Variants in RFX3 observed in about 807,000 individuals in gnomAD.
RFX3 encodes the protein regulatory factor X3, also known as transcription factor RFX3.
Under a neutral mutation model 98.6 loss-of-function variants are expected in RFX3, and 14 were observed. The ratio of observed to expected loss-of-function variants is 0.14; its 90% CI spans 0.09 to 0.22. The LOEUF is 0.22. Ranked by LOEUF, RFX3 falls within the 10% of genes least tolerant of loss-of-function variation. The pLI, the probability that RFX3 is intolerant of heterozygous loss-of-function variation, is 1.00. For missense variants in RFX3, 639 were observed against 926.9 expected, an observed-to-expected ratio of 0.69 and a Z score of 4.03; for synonymous variants, 383 against 328.4, an observed-to-expected ratio of 1.17 and a Z score of -1.80.
Position 3,301,555 on chromosome 9 carries a change from G to A in RFX3, c.540C>T (p.Leu180=). Residue 180 remains leucine, a synonymous_variant, in exon 5 of 17, where the codon CTC becomes CTT. Transcript: ENST00000617270. ...DGLSTHRSSL[L]NSHLQWLLDN... is the part of the protein sequence containing the mutation. ...AGAAGAGGCAACTTACATGGCTGTTGAGAAGAGAGCTTCTGTGAGTGGACA... is the reference window on the plus strand; with the variant it reads ...AGAAGAGGCAACTTACATGGCTGTTAAGAAGAGAGCTTCTGTGAGTGGACA... 6.3e-7 allele frequency: 1 copy of A among 1,599,006 alleles called. No individual in the cohort carries two copies. The highest frequency in any genetic ancestry group is 8.6e-7 in the Non-Finnish European group (1 of 1,169,220).
At chr9:3,253,630 A>T (rs1821723299) in intron 14 of RFX3, among the ~76,000 whole-genome samples, 1 of 152,190 alleles carries the variant, frequency 6.6e-6, no homozygotes. Flanking sequence ...CATTCAGAGC[A>T]GAACCTCTTT....
At chr9:3,505,210 ATG>A (rs1816827680) in intron 1 of RFX3, among the ~76,000 whole-genome samples, 1 of 81,682 alleles carries the variant, frequency 1.2e-5, no homozygotes, top group Non-Finnish European at 2.1e-5. Flanking sequence ...TTATATATAT[ATG>A]AATATATATT....
intron 15 of RFX3, among the ~76,000 whole-genome samples, chr9:3,230,556 T>C (rs1290581196): frequency 6.6e-6 from 1 of 152,174 alleles, no homozygotes; most frequent in Non-Finnish European, 1.5e-5. Flanking sequence ...GAATATAATC[T>C]AAACAACAAA....
intron 15 of RFX3, chr9:3,247,819 C>G: frequency 6.2e-7 from 1 of 1,606,316 alleles, no homozygotes; most frequent in Admixed American, 1.7e-5. Flanking sequence ...TGAACTTTCA[C>G]ATGATATAAT....
intron 1 of RFX3, among the ~76,000 whole-genome samples, chr9:3,432,990 A>C (rs984830255): frequency 6.6e-6 from 1 of 152,156 alleles, no homozygotes; most frequent in African/African-American, 2.4e-5. Context: ...TTAGCGTGTA[A>C]GTTTACCAAA....
intron 13 of RFX3, among the ~76,000 whole-genome samples, chr9:3,259,913 A>C (rs1822643141): frequency 6.6e-6 from 1 of 152,074 alleles, no homozygotes; most frequent in Admixed American, 6.6e-5. Context: ...TCCTTATTAC[A>C]AGAGCATCAT....
intron 1 of RFX3, among the ~76,000 whole-genome samples, chr9:3,497,059 G>A (rs1232476328): frequency 6.6e-6 from 1 of 151,950 alleles, no homozygotes; most frequent in East Asian, 1.9e-4. Flanking sequence ...CTGAACCTGT[G>A]TTTGTGTCTT....
intron 1 of RFX3, among the ~76,000 whole-genome samples, chr9:3,463,451 ATCT>A (rs1214828831): frequency 6.6e-6 from 1 of 152,132 alleles, no homozygotes; most frequent in African/African-American, 2.4e-5. Context: ...TTAGATAAAA[ATCT>A]TTAGCACTCC....
chr9:3,415,068 AAG>A (rs1263240081), intron 1 of RFX3, among the ~76,000 whole-genome samples: 32 of 97,760 alleles, frequency 3.3e-4, no homozygotes, highest in African/African-American at 2.1e-3. Flanking sequence ...ACTCATATAT[AAG>A]TATATATATA....
At position 3,379,259 on chromosome 9, in the gene RFX3, G is replaced by T. The variant is rs529801207; in HGVS notation, c.117+16213C>A. On this transcript the variant is annotated intron_variant, in intron 2 of 16. Coordinates refer to ENST00000617270, the MANE Select transcript of RFX3 (RefSeq NM_001282116.2). Reference sequence around the variant, plus strand: ...TGTGAAGGAAAGGTACATGGGCTAGGAGAGTGCATAAAGGAAAGTTAATCT... The same window carrying T: ...TGTGAAGGAAAGGTACATGGGCTAGTAGAGTGCATAAAGGAAAGTTAATCT... Among the ~76,000 whole-genome samples, 9 of 152,294 alleles carry T rather than the reference G, an allele frequency of 5.9e-5. No individual in the cohort carries two copies. In the South Asian group the frequency reaches 1.9e-3, roughly 32 times the overall value.
At chr9:3,518,763 C>T (rs1007368543) in intron 1 of RFX3, among the ~76,000 whole-genome samples, 1 of 152,088 alleles carries the variant, frequency 6.6e-6, no homozygotes, top group African/African-American at 2.4e-5. Context: ...TGATATATTT[C>T]CTCTATGATT....
At chr9:3,446,189 T>TG (rs1351297545) in intron 1 of RFX3, among the ~76,000 whole-genome samples, 3 of 151,588 alleles carry the variant, frequency 2.0e-5, no homozygotes, top group Non-Finnish European at 4.4e-5. Context: ...CACAAACGAG[T>TG]GGGTTACTGG....
At chr9:3,487,796 G>C (rs1358693235) in intron 1 of RFX3, among the ~76,000 whole-genome samples, 1 of 152,114 alleles carries the variant, frequency 6.6e-6, no homozygotes, top group African/African-American at 2.4e-5. Flanking sequence ...TTAAAAATAT[G>C]ATTTAAAAAT....
At chr9:3,441,887 T>C (rs114805887) in intron 1 of RFX3, among the ~76,000 whole-genome samples, 1,650 of 151,936 alleles carry the variant, frequency 0.011, 26 homozygotes, top group African/African-American at 0.038. Flanking sequence ...AAAAACAGAA[T>C]ATAGAAAGAG....
intron 1 of RFX3, among the ~76,000 whole-genome samples, chr9:3,455,270 G>C (rs1009978730): frequency 6.6e-6 from 1 of 152,046 alleles, no homozygotes; most frequent in African/African-American, 2.4e-5. Context: ...CATCAGACAG[G>C]CTGTTTTTCT....
At chr9:3,403,243 C>T (rs1197008236) in intron 1 of RFX3, among the ~76,000 whole-genome samples, 2 of 152,028 alleles carry the variant, frequency 1.3e-5, no homozygotes, top group African/African-American at 4.8e-5. Context: ...TTATTTAAAA[C>T]ACATCTTTGT....
chr9:3,326,703 T>C (rs1831963781), intron 4 of RFX3, among the ~76,000 whole-genome samples: 1 of 152,196 alleles, frequency 6.6e-6, no homozygotes, highest in Non-Finnish European at 1.5e-5. Context: ...CCATGGTGTA[T>C]ATGTACCATA....
intron 16 of RFX3, among the ~76,000 whole-genome samples, chr9:3,225,737 A>G (rs1817690198): frequency 6.6e-6 from 1 of 152,190 alleles, no homozygotes; most frequent in Non-Finnish European, 1.5e-5. Context: ...GCGTTAATGT[A>G]TAAGACCTAT....
chr9:3,425,973 C>T (rs1353554233), intron 1 of RFX3, among the ~76,000 whole-genome samples: 1 of 152,102 alleles, frequency 6.6e-6, no homozygotes, highest in Non-Finnish European at 1.5e-5. Context: ...TGAATTTTCA[C>T]TTAGCTTTTC....
Sources: allele counts gnomAD v4.1 joint callset (sites outside exome capture counted in the v4.1 genomes callset), GRCh38; gene constraint gnomAD v4.1.1; transcripts MANE v1.5; gene names NCBI Gene and HGNC (gene_info 2026-07-23, HGNC 2026-07-21).